MTIF2: variants seen among roughly 807,000 people sequenced by gnomAD.
MTIF2 encodes the protein mitochondrial translational initiation factor 2, also known as translation initiation factor IF-2, mitochondrial.
In MTIF2, 71 loss-of-function variants were observed where a neutral mutation model predicts 83.5. The ratio of observed to expected loss-of-function variants is 0.85; its 90% confidence interval spans 0.70 to 1.04. The LOEUF is 1.04. Among genes scored for constraint, MTIF2 ranks in the 50% least tolerant of loss-of-function variants. The probability of loss-of-function intolerance (pLI) is 0.00; values close to 1 mark genes in which losing one functional copy is unlikely to be tolerated. For missense variants in MTIF2, 957 were observed against 846.5 expected, an observed-to-expected ratio of 1.13 and a Z score of -1.62; for synonymous variants, 319 against 287.1, an observed-to-expected ratio of 1.11 and a Z score of -1.12.
In MTIF2 at chr2:55,249,389, A is replaced by G; in HGVS notation, c.981+6T>C. On this transcript the variant is annotated splice_donor_region_variant and intron_variant, in intron 9 of 15. Transcript: ENST00000263629. ...AGGCATATTTATATGAGGTCCCCGC[A>G]TTTACCGTAAGTGCGGAGACAGGCA... 1 of 1,613,886 alleles carries G rather than the reference A, an allele frequency of 6.2e-7. No individual in the cohort carries two copies. The highest frequency in any genetic ancestry group is 8.5e-7 in the Non-Finnish European group (1 of 1,179,930).
intron 3 of MTIF2, 52 bp from the exon 4 acceptor site, chr2:55,263,917 A>C: frequency 1.5e-6 from 2 of 1,359,880 alleles, no homozygotes; most frequent in South Asian, 2.4e-5. Context: ...GTTAGCAAAT[A>C]TTAATTGGAT....
At chr2:55,250,897 G>GT (rs1410702810) in intron 8 of MTIF2, among the ~76,000 whole-genome samples, 2 of 152,028 alleles carry the variant, frequency 1.3e-5, no homozygotes, top group African/African-American at 4.8e-5. Flanking sequence ...ATCACCTGAG[G>GT]TCAGGAGTTT....
intron 3 of MTIF2, 41 bp from the exon 4 acceptor site, chr2:55,263,906 A>T (rs1214510059): frequency 6.9e-7 from 1 of 1,455,072 alleles, no homozygotes; most frequent in African/African-American, 1.4e-5. Flanking sequence ...ATTCAAATCA[A>T]GTTAGCAAAT....
intron 14 of MTIF2, among the ~76,000 whole-genome samples, chr2:55,239,544 G>T (rs534097837): frequency 3.3e-5 from 5 of 152,056 alleles, no homozygotes; most frequent in African/African-American, 1.2e-4. Context: ...AAACAGATGA[G>T]GTGATTTAAT....
rs757023012 is a variant in MTIF2, at chr2:55,263,612, A to C, written c.219+28T>G. 3.0e-6 allele frequency: 4 copies of C among 1,324,834 alleles called. No individual in the cohort carries two copies. In the South Asian group the frequency reaches 4.5e-5, roughly 15 times the overall value. 82.1% of individuals were successfully genotyped at this position (1,324,834 alleles called of 1,614,324 possible). On this transcript the variant is annotated intron_variant, in intron 4 of 15. Transcript: ENST00000263629. Reference sequence around the variant, plus strand: ...GTGACAGGGTGAGACTCCATCTCAAAAAAAAAAAAAAAGAAATCTGTAACT... The same window carrying C: ...GTGACAGGGTGAGACTCCATCTCAACAAAAAAAAAAAAGAAATCTGTAACT...
At chr2:55,267,303 C>T (rs1403570281) in intron 3 of MTIF2, among the ~76,000 whole-genome samples, 1 of 151,822 alleles carries the variant, frequency 6.6e-6, no homozygotes, top group East Asian at 1.9e-4. Flanking sequence ...ATTACAGGTG[C>T]CTGCCAGCAC....
At chr2:55,268,770 G>C (rs1678620035) in intron 1 of MTIF2, 31 bp from the exon 2 acceptor site, 1 of 152,336 alleles carries the variant, frequency 6.6e-6, no homozygotes, top group South Asian at 2.1e-4. Flanking sequence ...ATACGTAGTT[G>C]CGTTAGGGAA....
At position 55,263,859 on chromosome 2, in the gene MTIF2, G is replaced by A; in HGVS notation, c.-1C>T. The A allele has an allele frequency of 6.3e-7, 1 of 1,599,104 alleles. No homozygotes were observed. Among genetic ancestry groups the A allele is most frequent in the Non-Finnish European group, 8.5e-7 (1 of 1,173,692 alleles). ...CCAACTTCAGTAGCTTCTGGTTCAT[G>A]TTTCTCCTGGGGAAAAAAAAAAGGT... On this transcript the variant is annotated 5_prime_UTR_variant, in exon 4 of 16. Transcript: ENST00000263629.
At chr2:55,240,525 G>A (rs1331271062) in intron 13 of MTIF2, among the ~76,000 whole-genome samples, 1 of 152,102 alleles carries the variant, frequency 6.6e-6, no homozygotes, top group Non-Finnish European at 1.5e-5. Context: ...GTTGCAGTGA[G>A]CTGAGATCGC....
intron 12 of MTIF2, 91 bp from the exon 13 acceptor site, chr2:55,243,171 G>A (rs1041251983): frequency 7.6e-7 from 1 of 1,319,540 alleles, no homozygotes. Context: ...AGCCATGATA[G>A]GAATGTCATT....
intron 2 of MTIF2, among the ~76,000 whole-genome samples, chr2:55,267,978 C>T (rs555349275): frequency 4.1e-4 from 63 of 152,216 alleles, no homozygotes; most frequent in African/African-American, 1.5e-3. Flanking sequence ...TCAGGCTGGG[C>T]GTGATGGCTC....
At chr2:55,260,790 T>C (rs1463291560) in intron 5 of MTIF2, among the ~76,000 whole-genome samples, 1 of 152,204 alleles carries the variant, frequency 6.6e-6, no homozygotes, top group African/African-American at 2.4e-5. Flanking sequence ...CAAGAGTCTG[T>C]TACACTTTGT....
chr2:55,237,489 T>G, intron 14 of MTIF2, 61 bp from the exon 15 acceptor site: 1 of 1,486,090 alleles, frequency 6.7e-7, no homozygotes, highest in Non-Finnish European at 9.0e-7. Context: ...ATACGTAATT[T>G]CTGACATTCT....
intron 7 of MTIF2, among the ~76,000 whole-genome samples, 155 bp from the exon 8 acceptor site, chr2:55,252,808 C>T (rs148440965): frequency 2.7e-4 from 41 of 152,264 alleles, no homozygotes; most frequent in African/African-American, 8.4e-4. Flanking sequence ...CATCATTTCA[C>T]AATGAAAAGT....
intron 14 of MTIF2, among the ~76,000 whole-genome samples, chr2:55,239,075 C>A (rs913168639): frequency 6.6e-6 from 1 of 152,040 alleles, no homozygotes; most frequent in South Asian, 2.1e-4. Flanking sequence ...AAGAACTGTT[C>A]CAGATTAAAT....
Position 55,240,021 on chromosome 2 carries a change from C to T in MTIF2, c.1860G>A (p.Glu620=), listed in dbSNP as rs1051567960. The T allele has an allele frequency of 1.2e-6, 2 of 1,609,050 alleles. No individual in the cohort carries two copies. The highest frequency in any genetic ancestry group is 8.5e-7 in the Non-Finnish European group (1 of 1,177,200). Residue 620 remains glutamate (E), a synonymous_variant, in exon 14 of 16, where the codon GAG becomes GAA. Coordinates refer to ENST00000263629, the MANE Select transcript of MTIF2 (RefSeq NM_002453.3). ...TCAGTGATCACTCACCTACTGGGTG[C>T]TCTTCCACAGCACAGGGTAATCTGC... ...LSSRLPCAVE[E]HPVGEASILA...
Position 55,254,800 on chromosome 2 carries a change from G to A in MTIF2, c.357C>T (p.Asn119=). 1.9e-6 allele frequency: 3 copies of A among 1,595,188 alleles called. No individual in the cohort carries two copies. The highest frequency in any genetic ancestry group is 1.7e-6 in the Non-Finnish European group (2 of 1,172,442). Residue 119 remains asparagine, a synonymous_variant, in exon 6 of 16, where the codon AAC becomes AAT. Transcript: ENST00000263629. ...CCAGTGAATCTATGTCAATATCAGTGTTCAATAAAGCTTCATATACATAAT... is the reference window on the plus strand; with the variant it reads ...CCAGTGAATCTATGTCAATATCAGTATTCAATAAAGCTTCATATACATAAT... The part of the protein sequence containing the change: ...NTDYVYEALL[N]TDIDIDSLEA...
rs1437885705 is a variant in MTIF2 at position 55,244,184 on chromosome 2, C to A, written c.1156G>T (p.Val386Phe). ...IQRGTLRKGSVLVAGKCWAKV... is the reference protein window; with the variant it reads ...IQRGTLRKGSFLVAGKCWAKV... ...GCCCAACATTTTCCAGCAACCAGAA[C>A]AGAGCCTTTTCTTAAAGTTCCTCTT... Residue 386 changes from valine (V) to phenylalanine (F), a missense_variant, in exon 11 of 16, where the codon GTT becomes TTT. Coordinates refer to ENST00000263629, the MANE Select transcript of MTIF2 (RefSeq NM_002453.3). 6.2e-7 allele frequency: 1 copy of A among 1,614,062 alleles called. No individual in the cohort carries two copies. Among genetic ancestry groups the A allele is most frequent in the Non-Finnish European group, 8.5e-7 (1 of 1,179,966 alleles).
intron 5 of MTIF2, among the ~76,000 whole-genome samples, chr2:55,261,517 G>C (rs1211930656): frequency 6.6e-6 from 1 of 151,776 alleles, no homozygotes. Context: ...TGAGGCAGGA[G>C]AACCACTTGA....
Sources: gnomAD v4.1 joint callset for allele counts (sites outside exome capture counted in the v4.1 genomes callset) on GRCh38, gnomAD v4.1.1 for gene constraint, MANE v1.5 for transcripts, NCBI Gene and HGNC (gene_info 2026-07-23, HGNC 2026-07-21) for gene names.